The following CYP20A1 variants were observed in gnomAD, a reference collection of about 807,000 sequenced individuals.
The protein encoded by CYP20A1 is cytochrome P450 20A1.
In CYP20A1, 61 loss-of-function variants were observed where a neutral mutation model predicts 61.4. The ratio of observed to expected loss-of-function variants is 0.99; its 90% CI spans 0.81 to 1.23. The LOEUF is 1.23. Among genes scored for constraint, CYP20A1 ranks in the 50% most tolerant of loss-of-function variants. The pLI is 0.00. For synonymous variants in CYP20A1, 193 were observed against 188.2 expected (o/e 1.03, Z -0.21); for missense variants, 530 against 542.4 (o/e 0.98, Z 0.23).
In CYP20A1 at chr2:203,303,680, C is replaced by T. The variant is rs550919420; in HGVS notation, c.*6772C>T. ...ATTGCACTCCAGTGTGGGTGACGAG[C>T]GAAAATCCGTCTCAACCAAGAAAAA... On this transcript the variant is annotated 3_prime_UTR_variant, in exon 13 of 13. Transcript: ENST00000356079. Among the ~76,000 whole-genome samples, 5 of 150,860 alleles carry T rather than the reference C, an allele frequency of 3.3e-5. No individual in the cohort carries two copies. The highest frequency in any genetic ancestry group is 2.0e-4 in the East Asian group (1 of 5,052).
chr2:203,266,447 T>G, intron 4 of CYP20A1, 67 bp from the exon 5 acceptor site: 1 of 1,410,624 alleles, frequency 7.1e-7, no homozygotes, highest in Non-Finnish European at 1.0e-6. Flanking sequence ...ATGAATCTAC[T>G]TAGTAACATT....
chr2:203,288,372 G>A (rs959057529), intron 9 of CYP20A1, among the ~76,000 whole-genome samples: 1 of 152,002 alleles, frequency 6.6e-6, no homozygotes. Flanking sequence ...AGCCCAGCCT[G>A]TGTTTATTTC....
At chr2:203,268,058 A>G (rs915111768) in intron 5 of CYP20A1, among the ~76,000 whole-genome samples, 6 of 152,108 alleles carry the variant, frequency 3.9e-5, no homozygotes, top group African/African-American at 1.4e-4. Context: ...GCAGTTGTTT[A>G]CATCTTGCTC....
At chr2:203,270,629 T>C (rs940728844) in intron 5 of CYP20A1, among the ~76,000 whole-genome samples, 1 of 152,078 alleles carries the variant, frequency 6.6e-6, no homozygotes, top group Non-Finnish European at 1.5e-5. Flanking sequence ...TTTATGTAGC[T>C]AAATCAATTT....
chr2:203,253,300 G>C (rs756206479), intron 4 of CYP20A1, among the ~76,000 whole-genome samples: 1 of 152,204 alleles, frequency 6.6e-6, no homozygotes, highest in Non-Finnish European at 1.5e-5. Context: ...CGCCAGGTCA[G>C]GGGAGAGCTG....
At chr2:203,249,054 A>G (rs2066564485) in intron 3 of CYP20A1, among the ~76,000 whole-genome samples, 1 of 152,222 alleles carries the variant, frequency 6.6e-6, no homozygotes, top group Admixed American at 6.6e-5. Flanking sequence ...GATGATTAAA[A>G]TATCAGGTCA....
intron 4 of CYP20A1, among the ~76,000 whole-genome samples, chr2:203,258,095 G>T (rs1226068510): frequency 1.3e-5 from 2 of 152,128 alleles, no homozygotes; most frequent in African/African-American, 2.4e-5. Context: ...TAGAGATGCG[G>T]TCACACTATA....
At chr2:203,245,936 T>A in intron 2 of CYP20A1, 41 bp downstream of exon 2, 1 of 1,271,124 alleles carries the variant, frequency 7.9e-7, no homozygotes, top group Non-Finnish European at 1.1e-6. Flanking sequence ...AGTTAATTCT[T>A]CATTATTGAT....
chr2:203,276,989 G>A (rs891059794), intron 6 of CYP20A1, among the ~76,000 whole-genome samples: 2 of 152,154 alleles, frequency 1.3e-5, no homozygotes, highest in Non-Finnish European at 2.9e-5. Context: ...GAGACAGAAT[G>A]AGCAGGCAGT....
intron 11 of CYP20A1, among the ~76,000 whole-genome samples, chr2:203,293,098 T>C (rs911987670): frequency 5.3e-5 from 8 of 150,232 alleles, no homozygotes; most frequent in Non-Finnish European, 7.4e-5. Flanking sequence ...CACTTGAACC[T>C]GGGAGGCAGA....
At chr2:203,259,266 A>G (rs1402156050) in intron 4 of CYP20A1, among the ~76,000 whole-genome samples, 1 of 152,178 alleles carries the variant, frequency 6.6e-6, no homozygotes, top group Non-Finnish European at 1.5e-5. Context: ...CAGGTACTTA[A>G]TTTAGGCATT....
rs1048852099 is a variant in CYP20A1 at position 203,297,453 on chromosome 2, C to T, written c.*545C>T. On this transcript the variant is annotated 3_prime_UTR_variant, in exon 13 of 13. Coordinates refer to ENST00000356079, the MANE Select transcript of CYP20A1 (RefSeq NM_177538.3). Reference sequence around the variant, plus strand: ...GGAGTGGTGGCTCATGCCTGTAATCCCAGCACTTTGGGATGCTGAGGCGGG... The same window carrying T: ...GGAGTGGTGGCTCATGCCTGTAATCTCAGCACTTTGGGATGCTGAGGCGGG... 1.3e-5 allele frequency: 2 copies of T among 152,964 alleles called. No individual in the cohort carries two copies. The highest frequency in any genetic ancestry group is 2.9e-5 in the Non-Finnish European group (2 of 68,748). The allele number at this position is 152,964 out of a possible 1,614,324, so 9.5% of individuals were successfully genotyped here.
rs61327504 is a variant in CYP20A1 at position 203,286,421 on chromosome 2, A to G, written c.971+689A>G. On this transcript the variant is annotated intron_variant, in intron 9 of 12. Transcript: ENST00000356079. The stretch of plus-strand genomic sequence containing the variant: ...TGACTACACAAAGTCCTGTTTGCAT[A>G]TATTCATAGCAAATTGGAAGTAGTT... Among the ~76,000 whole-genome samples the G allele has an allele frequency of 3.9e-3, 541 of 138,578 alleles. 5 individuals carry two copies. The highest frequency in any genetic ancestry group is 0.013 in the African/African-American group (484 of 38,368). The allele number at this position is 138,578 out of a possible 152,430, so 90.9% of individuals were successfully genotyped here. A position where few individuals can be genotyped will look rare whatever the true frequency, so the allele number is the denominator to read the frequency against.
At position 203,261,899 on chromosome 2, in the gene CYP20A1, C is replaced by T. The variant is rs188340910; in HGVS notation, c.433-4615C>T. On this transcript the variant is annotated intron_variant, in intron 4 of 12. Coordinates refer to ENST00000356079, the MANE Select transcript of CYP20A1 (RefSeq NM_177538.3). Reference sequence around the variant, plus strand: ...GTCTCACCTGAGGCACAACTGTTTTCGGGGAGTTGGCAGGGCAAGCTGCTG... The same window carrying T: ...GTCTCACCTGAGGCACAACTGTTTTTGGGGAGTTGGCAGGGCAAGCTGCTG... 3.3e-5 allele frequency among the ~76,000 whole-genome samples: 5 copies of T among 152,062 alleles called. No individual in the cohort carries two copies. The East Asian group carries it at 9.8e-4, about 30-fold the overall frequency.
rs1049650552 is a variant in CYP20A1 at position 203,298,785 on chromosome 2, A to G, written c.*1877A>G. Reference sequence around the variant, plus strand: ...CACGGTAGCTCATGCCTGTTATCCTAACACTTTGGGAAGCCGACATGGGCA... The same window carrying G: ...CACGGTAGCTCATGCCTGTTATCCTGACACTTTGGGAAGCCGACATGGGCA... On this transcript the variant is annotated 3_prime_UTR_variant, in exon 13 of 13. Transcript: ENST00000356079. Among the ~76,000 whole-genome samples the G allele has an allele frequency of 6.6e-6, 1 of 151,994 alleles. No individual in the cohort carries two copies. The highest frequency in any genetic ancestry group is 1.5e-5 in the Non-Finnish European group (1 of 67,994).
chr2:203,296,969 T>C lies in CYP20A1; in HGVS notation c.*61T>C. 2.0e-6 allele frequency: 2 copies of C among 993,442 alleles called. No homozygotes were observed. The highest frequency in any genetic ancestry group is 2.9e-6 in the Non-Finnish European group (2 of 682,372). 61.5% of individuals were successfully genotyped at this position (993,442 alleles called of 1,614,324 possible). A position where few individuals can be genotyped will look rare whatever the true frequency, so the allele number is the denominator to read the frequency against. ...GAGGAAAACAACCATTTAAAAAAAA[T>C]CTATGTTGAATCCTTTTATAAACCA... On this transcript the variant is annotated 3_prime_UTR_variant, in exon 13 of 13. Coordinates refer to ENST00000356079, the MANE Select transcript of CYP20A1 (RefSeq NM_177538.3).
chr2:203,268,955 G>A (rs1199860460), intron 5 of CYP20A1, among the ~76,000 whole-genome samples: 1 of 152,160 alleles, frequency 6.6e-6, no homozygotes, highest in East Asian at 1.9e-4. Flanking sequence ...ACAGTTGGGA[G>A]ATGTCATCAG....
At chr2:203,268,975 G>A (rs1041929694) in intron 5 of CYP20A1, among the ~76,000 whole-genome samples, 3 of 152,136 alleles carry the variant, frequency 2.0e-5, no homozygotes, top group African/African-American at 7.2e-5. Context: ...GTTGTAAGAT[G>A]CATACTGATT....
intron 6 of CYP20A1, among the ~76,000 whole-genome samples, chr2:203,276,154 C>T (rs529720013): frequency 8.5e-5 from 13 of 152,216 alleles, no homozygotes; most frequent in African/African-American, 3.1e-4. Flanking sequence ...TTACAGAGTC[C>T]TTGAAGTAGG....
Sources: gnomAD v4.1 joint callset for allele counts (sites outside exome capture counted in the v4.1 genomes callset) on GRCh38, gnomAD v4.1.1 for gene constraint, MANE v1.5 for transcripts, NCBI Gene and HGNC (gene_info 2026-07-23, HGNC 2026-07-21) for gene names.